NXN: variants seen among roughly 807,000 people sequenced by gnomAD.
The protein encoded by NXN is nucleoredoxin 1.
NXN carries 16 observed loss-of-function variants against 48.6 expected under a neutral mutation model. That is an observed-to-expected ratio of 0.33 (90% CI 0.22 to 0.50). The LOEUF is 0.50. Among genes scored for constraint, NXN ranks in the 20% least tolerant of loss-of-function variants. The pLI is 0.98. For missense variants in NXN, 492 were observed against 605.5 expected, an observed-to-expected ratio of 0.81 and a Z score of 1.97; for synonymous variants, 281 against 269.6, an observed-to-expected ratio of 1.04 and a Z score of -0.41.
At chr17:975,559 G>A (rs2069448377) in intron 1 of NXN, among the ~76,000 whole-genome samples, 1 of 152,064 alleles carries the variant, frequency 6.6e-6, no homozygotes. Context: ...ACTGGACCAG[G>A]GTCCCCTGAC....
At chr17:890,137 C>A (rs893100964) in intron 1 of NXN, among the ~76,000 whole-genome samples, 4 of 151,832 alleles carry the variant, frequency 2.6e-5, no homozygotes, top group Admixed American at 2.6e-4. Context: ...TGGACCTACT[C>A]GTTATGAAAT....
At chr17:809,066 AAC>A (rs75797391) in intron 5 of NXN, among the ~76,000 whole-genome samples, 25,727 of 152,136 alleles carry the variant, frequency 0.17, 2,430 homozygotes, top group East Asian at 0.28. Flanking sequence ...TAGTGAGATC[AAC>A]AGAGTCCTCC....
intron 1 of NXN, among the ~76,000 whole-genome samples, chr17:895,622 C>T (rs1212868706): frequency 1.4e-5 from 2 of 145,968 alleles, no homozygotes; most frequent in Non-Finnish European, 3.0e-5. Context: ...ACCATCCTGG[C>T]TAACACGGTG....
intron 1 of NXN, among the ~76,000 whole-genome samples, chr17:846,578 A>G (rs1183375433): frequency 6.6e-6 from 1 of 152,234 alleles, no homozygotes; most frequent in African/African-American, 2.4e-5. Context: ...AAAAGCCTTC[A>G]TTCCTGACAC....
chr17:896,412 G>C (rs1439121090), intron 1 of NXN, among the ~76,000 whole-genome samples: 1 of 151,662 alleles, frequency 6.6e-6, no homozygotes, highest in Non-Finnish European at 1.5e-5. Context: ...TCGGGAGGCT[G>C]AGGTGGATTA....
intron 1 of NXN, among the ~76,000 whole-genome samples, chr17:925,963 T>C (rs2068793733): frequency 6.6e-6 from 1 of 152,224 alleles, no homozygotes; most frequent in South Asian, 2.1e-4. Flanking sequence ...TTTTCTTCCC[T>C]GATATCACCA....
At chr17:961,469 ATT>A (rs2069236750) in intron 1 of NXN, among the ~76,000 whole-genome samples, 1 of 152,228 alleles carries the variant, frequency 6.6e-6, no homozygotes, top group South Asian at 2.1e-4. Context: ...GATTGTTAAC[ATT>A]CAGAGGATTT....
intron 1 of NXN, among the ~76,000 whole-genome samples, chr17:904,166 C>A (rs562129943): frequency 1.3e-5 from 2 of 152,246 alleles, no homozygotes; most frequent in Non-Finnish European, 2.9e-5. Context: ...ACCGCGTCGA[C>A]TGCCCTAAGA....
intron 1 of NXN, among the ~76,000 whole-genome samples, chr17:924,748 C>T (rs186763190): frequency 3.3e-4 from 50 of 152,354 alleles, no homozygotes; most frequent in African/African-American, 1.2e-3. Context: ...CCCTGCTCCC[C>T]AGCCCCAGCC....
chr17:847,526 C>T (rs947358711), intron 1 of NXN, among the ~76,000 whole-genome samples: 10 of 152,176 alleles, frequency 6.6e-5, no homozygotes, highest in African/African-American at 1.7e-4. Flanking sequence ...ACTGGGAATC[C>T]GGCAAGCCAG....
At chr17:808,420 A>G (rs1306166932) in intron 5 of NXN, among the ~76,000 whole-genome samples, 1 of 150,820 alleles carries the variant, frequency 6.6e-6, no homozygotes, top group African/African-American at 2.4e-5. Flanking sequence ...CTCCTGCCTC[A>G]GCCTCCCAAG....
At chr17:855,414 T>C (rs1266931510) in intron 1 of NXN, among the ~76,000 whole-genome samples, 1 of 152,156 alleles carries the variant, frequency 6.6e-6, no homozygotes, top group Non-Finnish European at 1.5e-5. Flanking sequence ...GAAGTAAATG[T>C]TTTCCACCCA....
chr17:964,867 C>T (rs962919493), intron 1 of NXN, among the ~76,000 whole-genome samples: 4 of 152,262 alleles, frequency 2.6e-5, no homozygotes, highest in African/African-American at 7.2e-5. Flanking sequence ...CAAAATGCCA[C>T]ACTTAATTAG....
chr17:822,115 C>CA (rs1912850110), intron 4 of NXN, among the ~76,000 whole-genome samples: 1 of 151,696 alleles, frequency 6.6e-6, no homozygotes, highest in Non-Finnish European at 1.5e-5. Flanking sequence ...CCCATCTCCA[C>CA]TAAAAATACA....
chr17:851,814 A>G (rs561057101), intron 1 of NXN, among the ~76,000 whole-genome samples: 2 of 152,358 alleles, frequency 1.3e-5, no homozygotes, highest in East Asian at 3.9e-4. Context: ...GTCAAAATGA[A>G]AAGAACAAAG....
At chr17:801,440 A>ATTT (rs773810580) in intron 7 of NXN, among the ~76,000 whole-genome samples, 4 of 84,428 alleles carry the variant, frequency 4.7e-5, no homozygotes, top group Admixed American at 1.3e-4. Flanking sequence ...GAAATGTCAC[A>ATTT]TTCTTTTTTT....
At chr17:876,501 C>G (rs187520618) in intron 1 of NXN, among the ~76,000 whole-genome samples, 2 of 152,154 alleles carry the variant, frequency 1.3e-5, no homozygotes, top group African/African-American at 2.4e-5. Flanking sequence ...TTGCTCTAAG[C>G]GTGTTTCATG....
intron 1 of NXN, among the ~76,000 whole-genome samples, chr17:946,071 G>A (rs2069039878): frequency 6.6e-6 from 1 of 152,134 alleles, no homozygotes. Context: ...AAAGTGAGTT[G>A]GGGGAGCTGG....
At chr17:871,020 A>G (rs570656732) in intron 1 of NXN, among the ~76,000 whole-genome samples, 41 of 151,908 alleles carry the variant, frequency 2.7e-4, no homozygotes, top group African/African-American at 7.5e-4. Context: ...CATCACGCCC[A>G]GCTAAATTTT....
Sources: gnomAD v4.1 joint callset for allele counts (sites outside exome capture counted in the v4.1 genomes callset) on GRCh38, gnomAD v4.1.1 for gene constraint, MANE v1.5 for transcripts, NCBI Gene and HGNC (gene_info 2026-07-23, HGNC 2026-07-21) for gene names.